Variants in CHLSN observed in about 807,000 individuals in gnomAD.
The protein encoded by CHLSN is protein cholesin.
At chr7:989,192 CAG>C in the CHLSN span, 3 of 264,724 alleles carry the variant, frequency 1.1e-5, no homozygotes, top group South Asian at 3.8e-4. Flanking sequence ...TGCATCCAGC[CAG>C]AGACAGGCGC....
At chr7:1,049,191 C>G in the CHLSN span, among the ~76,000 whole-genome samples, 1 of 152,218 alleles carries the variant, frequency 6.6e-6, no homozygotes, top group African/African-American at 2.4e-5. Flanking sequence ...GTCACCCCCA[C>G]CCTGCCCCAC....
chr7:991,864 C>T, the CHLSN span, among the ~76,000 whole-genome samples: 1 of 152,332 alleles, frequency 6.6e-6, no homozygotes, highest in South Asian at 2.1e-4. Context: ...GAGTCCCTCC[C>T]CAGTCCTTCT....
At chr7:1,025,477 G>C in the CHLSN span, 1 of 152,376 alleles carries the variant, frequency 6.6e-6, no homozygotes, top group Non-Finnish European at 1.5e-5. Flanking sequence ...GTCAGGTCAG[G>C]GAGGGGGACT....
At chr7:1,010,184 T>C in the CHLSN span, 3 of 1,567,114 alleles carry the variant, frequency 1.9e-6, no homozygotes, top group South Asian at 2.3e-5. Flanking sequence ...GGATGGAGGG[T>C]ATCCAGAGAC....
At chr7:1,050,595 G>A in the CHLSN span, among the ~76,000 whole-genome samples, 1 of 152,230 alleles carries the variant, frequency 6.6e-6, no homozygotes, top group East Asian at 1.9e-4. Context: ...GCGGACGGAC[G>A]CGGGAGAGCC....
chr7:1,023,075 C>G, the CHLSN span: 2 of 429,106 alleles, frequency 4.7e-6, no homozygotes, highest in African/African-American at 4.1e-5. This position sits in a 1 kb window ranked among gnomAD's most constrained non-coding sequence, Gnocchi z 5.0. Flanking sequence ...GAGCATGGGA[C>G]GCTTCCTGCC....
chr7:1,072,114 A>G, the CHLSN span, among the ~76,000 whole-genome samples: 1 of 152,142 alleles, frequency 6.6e-6, no homozygotes, highest in Admixed American at 6.5e-5. Context: ...CTAAGCGGGG[A>G]TCCAAGATGG....
the CHLSN span, among the ~76,000 whole-genome samples, chr7:1,094,813 G>A: frequency 3.5e-4 from 54 of 152,296 alleles, no homozygotes; most frequent in African/African-American, 1.0e-3. Context: ...GGCAGGTGGG[G>A]CCTGTATTCT....
At chr7:1,126,359 CAAAAA>C in the CHLSN span, among the ~76,000 whole-genome samples, 3,993 of 40,286 alleles carry the variant, frequency 0.099, 158 homozygotes, top group African/African-American at 0.3. Flanking sequence ...GACTCTGTCT[CAAAAA>C]AAAAAAAAAA....
chr7:1,091,273 A>T, the CHLSN span: 1 of 156,696 alleles, frequency 6.4e-6, no homozygotes, highest in Non-Finnish European at 1.4e-5. Context: ...CCGAGCTCAT[A>T]AAGCTGAGGT....
the CHLSN span, among the ~76,000 whole-genome samples, chr7:1,036,695 G>A: frequency 2.7e-4 from 40 of 149,510 alleles, 2 homozygotes; most frequent in African/African-American, 9.7e-4. Context: ...ATCCGATAGG[G>A]GAAGATGGCG....
At chr7:1,070,610 G>T in the CHLSN span, among the ~76,000 whole-genome samples, 1 of 137,868 alleles carries the variant, frequency 7.3e-6, no homozygotes. Context: ...ATGCACACAT[G>T]CATGCACACA....
At chr7:1,051,491 G>A in the CHLSN span, among the ~76,000 whole-genome samples, 1 of 152,306 alleles carries the variant, frequency 6.6e-6, no homozygotes, top group Admixed American at 6.5e-5. Flanking sequence ...TCCCGATTCC[G>A]CTGGGCTTTC....
chr7:1,056,428 C>A, the CHLSN span: 7 of 152,574 alleles, frequency 4.6e-5, no homozygotes, highest in African/African-American at 1.7e-4. Context: ...CCACACCTCC[C>A]GTCCTGCCCA....
At chr7:994,419 C>A in the CHLSN span, among the ~76,000 whole-genome samples, 9 of 152,078 alleles carry the variant, frequency 5.9e-5, no homozygotes, top group Non-Finnish European at 1.2e-4. Context: ...TTGGCCCCCC[C>A]CAAAGTGTTG....
At chr7:1,039,042 C>T in the CHLSN span, among the ~76,000 whole-genome samples, 537 of 78,124 alleles carry the variant, frequency 6.9e-3, 20 homozygotes, top group Non-Finnish European at 9.3e-3. Flanking sequence ...CCAGCCGCCC[C>T]GTCCGGGAGG....
the CHLSN span, among the ~76,000 whole-genome samples, chr7:1,083,611 G>C: frequency 6.6e-6 from 1 of 151,006 alleles, no homozygotes; most frequent in Non-Finnish European, 1.5e-5. Flanking sequence ...CTGGGCGACA[G>C]AGCAAGACTC....
the CHLSN span, among the ~76,000 whole-genome samples, chr7:1,034,994 A>G: frequency 4.6e-5 from 7 of 152,356 alleles, no homozygotes; most frequent in South Asian, 1.5e-3. Context: ...TAATGGCTGC[A>G]TAGTATTCCA....
At chr7:1,112,927 C>T in the CHLSN span, among the ~76,000 whole-genome samples, 1 of 152,172 alleles carries the variant, frequency 6.6e-6, no homozygotes, top group African/African-American at 2.4e-5. Flanking sequence ...GGCATATTTA[C>T]AGAGCTTTAC....
Sources: allele counts gnomAD v4.1 joint callset (sites outside exome capture counted in the v4.1 genomes callset), GRCh38; gene constraint gnomAD v4.1.1; non-coding constraint Gnocchi (gnomAD v3.1); transcripts MANE v1.5; gene names NCBI Gene and HGNC (gene_info 2026-07-23, HGNC 2026-07-21).